The following ZNF425 variants were observed in gnomAD, a reference collection of about 807,000 sequenced individuals.
ZNF425 encodes the protein zinc finger protein 425.
In ZNF425, 21 loss-of-function variants were observed where a neutral mutation model predicts 17.0. The ratio of observed to expected loss-of-function variants is 1.23; its 90% CI spans 0.88 to 1.78. ZNF425 has a LOEUF of 1.78. Ranked by LOEUF, ZNF425 falls within the 40% of genes most tolerant of loss-of-function variation. The pLI, the probability that ZNF425 is intolerant of heterozygous loss-of-function variation, is 0.00. For missense variants in ZNF425, 868 were observed against 967.3 expected (o/e 0.90, Z 1.36); for synonymous variants, 433 against 384.1 (o/e 1.13, Z -1.49).
chr7:149,122,675 T>C (rs1420001351), intron 1 of ZNF425, among the ~76,000 whole-genome samples: 2 of 152,092 alleles, frequency 1.3e-5, no homozygotes, highest in African/African-American at 2.4e-5. Flanking sequence ...GTGTTTTACA[T>C]TGAGACGTGG....
chr7:149,109,117 T>G (rs968809758), intron 3 of ZNF425, among the ~76,000 whole-genome samples: 11 of 151,158 alleles, frequency 7.3e-5, no homozygotes, highest in African/African-American at 2.2e-4. Context: ...CTCGCTCTGT[T>G]GCCAGGCTGG....
chr7:149,107,691 G>GAA (rs1826104506), intron 3 of ZNF425, among the ~76,000 whole-genome samples: 1 of 151,840 alleles, frequency 6.6e-6, no homozygotes, highest in Non-Finnish European at 1.5e-5. Flanking sequence ...TAGAAGACAT[G>GAA]ATGACAGGAA....
chr7:149,114,209 A>C (rs144353099), intron 2 of ZNF425, among the ~76,000 whole-genome samples: 6,641 of 139,578 alleles, frequency 0.048, 503 homozygotes, highest in African/African-American at 0.16. Flanking sequence ...CAGGGGTGCA[A>C]CACCACGCCC....
rs1276756627 is a variant in ZNF425, at chr7:149,103,722, T to C, written c.2149A>G (p.Ser717Gly). Residue 717 changes from serine to glycine, a missense_variant, in exon 4 of 4, where the codon AGT becomes GGT. Ser to Gly is a moderately conservative substitution (Grantham distance 56). Around this residue, in one of 5 missense-constraint regions of ZNF425, gnomAD observed 437 missense variants for 444.2 expected, o/e 0.98. Transcript: ENST00000378061. ...RSLKAHLCLH[S>G]GERPFSCDEC... Reference sequence around the variant, plus strand: ...TCACAAGAAAAAGGCCTCTCCCCACTGTGAAGGCACAGATGGGCCTTCAGG... The same window carrying C: ...TCACAAGAAAAAGGCCTCTCCCCACCGTGAAGGCACAGATGGGCCTTCAGG... 5 of 1,614,164 alleles carry C rather than the reference T, an allele frequency of 3.1e-6. No homozygotes were observed. The highest frequency in any genetic ancestry group is 1.7e-5 in the Admixed American group (1 of 60,006).
chr7:149,116,545 G>A (rs1044611518), intron 2 of ZNF425, among the ~76,000 whole-genome samples: 1 of 152,018 alleles, frequency 6.6e-6, no homozygotes, highest in Non-Finnish European at 1.5e-5. Flanking sequence ...GCACCAGAAC[G>A]GCCAACACTC....
At position 149,105,072 on chromosome 7, in the gene ZNF425, C is replaced by A. The variant is rs1826058074; in HGVS notation, c.799G>T (p.Val267Phe). ...GGGTAGGGCCGCTGGCCGGTGTGGA[C>A]AACCTGATGAGTGACGAGGCTGCCC... ...LKGSLVTHQV[V>F]HTGQRPYPCP... Residue 267 changes from valine to phenylalanine, a missense_variant, in exon 4 of 4, where the codon GTC becomes TTC. Around this residue, in one of 5 missense-constraint regions of ZNF425, gnomAD observed 243 missense variants for 265.2 expected, o/e 0.92. Transcript: ENST00000378061. 2 of 1,614,222 alleles carry A rather than the reference C, an allele frequency of 1.2e-6. No individual in the cohort carries two copies. Among genetic ancestry groups the A allele is most frequent in the East Asian group, 4.5e-5 (2 of 44,884 alleles).
chr7:149,116,701 C>T (rs1379252880), intron 2 of ZNF425, among the ~76,000 whole-genome samples: 1 of 152,098 alleles, frequency 6.6e-6, no homozygotes, highest in Non-Finnish European at 1.5e-5. Context: ...AATCCAACTC[C>T]TTATCTTGTC....
chr7:149,115,863 T>C (rs1826258673), intron 2 of ZNF425, among the ~76,000 whole-genome samples: 1 of 152,148 alleles, frequency 6.6e-6, no homozygotes, highest in South Asian at 2.1e-4. Flanking sequence ...CCTCAAGTAC[T>C]TGTGAAAAAT....
At chr7:149,107,406 C>G (rs1204720112) in intron 3 of ZNF425, among the ~76,000 whole-genome samples, 1 of 151,538 alleles carries the variant, frequency 6.6e-6, no homozygotes, top group Non-Finnish European at 1.5e-5. Context: ...AGCGCGATCT[C>G]TGCTCACTGC....
At chr7:149,118,594 CCT>C in intron 1 of ZNF425, 1 of 457,798 alleles carries the variant, frequency 2.2e-6, no homozygotes, top group Non-Finnish European at 4.1e-6. Flanking sequence ...GGGTGGATCA[CCT>C]GAGGTCAGGA....
rs749085810 is a variant in ZNF425, at chr7:149,104,251, A to T, written c.1620T>A (p.His540Gln). The change falls in exon 4 of 4, where the codon CAT becomes CAA. Residue 540 changes from histidine to glutamine, a missense_variant. By Grantham distance (24) the His-to-Gln change is conservative. Transcript: ENST00000378061. The surrounding 1 kb of genome is among the most constrained non-coding windows in gnomAD (Gnocchi z 4.3). ...TGTGAAGCCTCGTGTGCTCTGTGAG[A>T]TGCGCGCGTCGGCGGAAACTGCGGC... is the stretch of plus-strand genomic sequence containing the variant. The part of the protein sequence containing the change: ...ECGRSFRRRA[H>Q]LTEHTRLHSG... The T allele has an allele frequency of 6.2e-7, 1 of 1,613,304 alleles. No homozygotes were observed. The highest frequency in any genetic ancestry group is 8.5e-7 in the Non-Finnish European group (1 of 1,179,770).
chr7:149,112,173 A>T lies in ZNF425; in HGVS notation c.268T>A (p.Leu90Met), dbSNP rs746381144. 6.2e-7 allele frequency: 1 copy of T among 1,613,950 alleles called. No homozygotes were observed. Among genetic ancestry groups the T allele is most frequent in the Non-Finnish European group, 8.5e-7 (1 of 1,179,964 alleles). ...AACTTTCCAGTATTCTTCATGTTCAACTGTTCATCAGTAGGAGGGCTAGTT... is the reference window on the plus strand; with the variant it reads ...AACTTTCCAGTATTCTTCATGTTCATCTGTTCATCAGTAGGAGGGCTAGTT... ...RTTSPPTDEQ[L>M]NMKNTGKLLC... Residue 90 changes from leucine (L) to methionine (M), a missense_variant, in exon 3 of 4, where the codon TTG becomes ATG. By Grantham distance (15) the Leu-to-Met change is conservative (BLOSUM62 2). Transcript: ENST00000378061.
intron 2 of ZNF425, among the ~76,000 whole-genome samples, chr7:149,113,634 C>T (rs1454243150): frequency 6.6e-6 from 1 of 150,552 alleles, no homozygotes; most frequent in Non-Finnish European, 1.5e-5. Context: ...TTACTGGCAG[C>T]TCCACCTCCC....
intron 3 of ZNF425, among the ~76,000 whole-genome samples, chr7:149,109,885 T>G (rs1270829000): frequency 6.6e-6 from 1 of 150,872 alleles, no homozygotes; most frequent in Admixed American, 6.6e-5. Context: ...TTTTCTTTTT[T>G]TTTTTTTTGG....
In ZNF425 at chr7:149,104,886, G is replaced by C. The variant is rs1826052220; in HGVS notation, c.985C>G (p.Pro329Ala). ...CGGTCACACTGCGGACACTGGAAGG[G>C]CTTCTCTCCGCTGTGCAGCCGCAAG... ...EHLRLHSGEKPFQCPQCDRCF... is the reference protein window; with the variant it reads ...EHLRLHSGEKAFQCPQCDRCF... Residue 329 changes from proline to alanine, a missense_variant, in exon 4 of 4, where the codon CCC becomes GCC. Coordinates refer to ENST00000378061, the MANE Select transcript of ZNF425 (RefSeq NM_001001661.3). This position sits in a 1 kb window ranked among gnomAD's most constrained non-coding sequence, Gnocchi z 4.3. 1 of 1,613,534 alleles carries C rather than the reference G, an allele frequency of 6.2e-7. No homozygotes were observed. The highest frequency in any genetic ancestry group is 1.3e-5 in the African/African-American group (1 of 75,050).
At chr7:149,107,143 A>AAATCT (rs1826093474) in intron 3 of ZNF425, among the ~76,000 whole-genome samples, 1 of 151,608 alleles carries the variant, frequency 6.6e-6, no homozygotes, top group Admixed American at 6.6e-5. Flanking sequence ...AGGACAGCTT[A>AAATCT]GGGCCATATT....
intron 3 of ZNF425, among the ~76,000 whole-genome samples, chr7:149,106,529 C>A (rs1343023020): frequency 2.6e-5 from 4 of 152,180 alleles, no homozygotes; most frequent in African/African-American, 9.7e-5. Flanking sequence ...AGCCACCGTG[C>A]CTAGCCATTC....
intron 2 of ZNF425, among the ~76,000 whole-genome samples, chr7:149,113,042 T>A (rs1264796686): frequency 6.9e-6 from 1 of 144,924 alleles, no homozygotes; most frequent in Non-Finnish European, 1.5e-5. Context: ...AGTGGTGCGA[T>A]CTCGGCTCAC....
In ZNF425 at chr7:149,118,742, A is replaced by C. The variant is rs1826306393; in HGVS notation, c.19-394T>G. 9.5e-6 allele frequency: 3 copies of C among 314,332 alleles called. 1 individual carries two copies. 19.5% of individuals were successfully genotyped at this position (314,332 alleles called of 1,614,324 possible). On this transcript the variant is annotated intron_variant, in intron 1 of 3. Coordinates refer to ENST00000378061, the MANE Select transcript of ZNF425 (RefSeq NM_001001661.3). ...AGGCAGGAGAATCGTTTGAACCCGG[A>C]AGGCAGAGGTTGCAGTGAGTTGAGA...
Sources: gnomAD v4.1 joint callset for allele counts (sites outside exome capture counted in the v4.1 genomes callset) on GRCh38, gnomAD v4.1.1 for gene constraint, gnomAD v4.1.1 regional missense constraint, Gnocchi (gnomAD v3.1) non-coding constraint, MANE v1.5 for transcripts, NCBI Gene and HGNC (gene_info 2026-07-23, HGNC 2026-07-21) for gene names.